Variants in POLR3G observed in about 807,000 individuals in gnomAD.
POLR3G encodes DNA-directed RNA polymerase III subunit RPC7.
In POLR3G, 28 loss-of-function variants were observed where a neutral mutation model predicts 30.1. That is an observed-to-expected ratio of 0.93 (90% CI 0.69 to 1.27). POLR3G has a LOEUF of 1.27. Ranked by LOEUF, POLR3G falls within the 50% of genes most tolerant of loss-of-function variation. The probability of loss-of-function intolerance (pLI) is 0.00; values close to 1 mark genes in which losing one functional copy is unlikely to be tolerated. For synonymous variants in POLR3G, 79 were observed against 82.5 expected, an observed-to-expected ratio of 0.96 and a Z score of 0.23; for missense variants, 254 against 264.6, an observed-to-expected ratio of 0.96 and a Z score of 0.28.
intron 1 of POLR3G, among the ~76,000 whole-genome samples, chr5:90,475,299 C>A (rs1012955869): frequency 6.6e-6 from 1 of 152,088 alleles, no homozygotes; most frequent in Non-Finnish European, 1.5e-5. Flanking sequence ...AGGTTATTTT[C>A]AAAATCCATG....
intron 3 of POLR3G, among the ~76,000 whole-genome samples, chr5:90,494,047 A>G (rs1751868357): frequency 6.6e-6 from 1 of 152,046 alleles, no homozygotes; most frequent in Non-Finnish European, 1.5e-5. Flanking sequence ...ATCATCTAGA[A>G]AAGAAATTCT....
chr5:90,491,054 G>C (rs1262835793), intron 3 of POLR3G, among the ~76,000 whole-genome samples: 1 of 152,086 alleles, frequency 6.6e-6, no homozygotes, highest in African/African-American at 2.4e-5. Flanking sequence ...AATAGGGTGA[G>C]AGATCTCAAG....
intron 1 of POLR3G, among the ~76,000 whole-genome samples, chr5:90,481,124 A>T (rs1387986715): frequency 6.6e-6 from 1 of 152,188 alleles, no homozygotes; most frequent in Non-Finnish European, 1.5e-5. Context: ...ACCATTTTGC[A>T]ATTCATAATG....
intron 5 of POLR3G, among the ~76,000 whole-genome samples, chr5:90,500,212 T>C (rs1465965545): frequency 6.6e-6 from 1 of 152,140 alleles, no homozygotes; most frequent in Non-Finnish European, 1.5e-5. Context: ...GTACTGTCCT[T>C]TATGTTAAGA....
At chr5:90,485,376 C>T in intron 1 of POLR3G, 149 bp from the exon 2 acceptor site, 1 of 512,300 alleles carries the variant, frequency 2.0e-6, no homozygotes, top group Non-Finnish European at 3.5e-6. Context: ...GTTCAACAGT[C>T]AGTTGTCACA....
chr5:90,493,121 GCA>G (rs1476163756), intron 3 of POLR3G, among the ~76,000 whole-genome samples: 1 of 152,220 alleles, frequency 6.6e-6, no homozygotes, highest in African/African-American at 2.4e-5. Context: ...GGCAGCCGAT[GCA>G]CAGAAAACTG....
At chr5:90,494,081 A>G (rs1751870391) in intron 3 of POLR3G, among the ~76,000 whole-genome samples, 1 of 150,490 alleles carries the variant, frequency 6.6e-6, no homozygotes, top group South Asian at 2.1e-4. Context: ...GTCATTCCCT[A>G]CTCTCCCTCC....
At chr5:90,484,176 C>G (rs1365621459) in intron 1 of POLR3G, among the ~76,000 whole-genome samples, 10 of 152,204 alleles carry the variant, frequency 6.6e-5, no homozygotes, top group Admixed American at 3.3e-4. Flanking sequence ...ATAGAATTAT[C>G]TGGAAGGCTT....
At chr5:90,474,669 G>A, upstream of POLR3G, 1 of 282,088 alleles carries the variant, frequency 3.5e-6, no homozygotes, top group South Asian at 3.4e-5. Context: ...TGACAGCAGA[G>A]GCCCGCAGTG....
At chr5:90,493,324 G>A (rs1453318553) in intron 3 of POLR3G, among the ~76,000 whole-genome samples, 6 of 152,008 alleles carry the variant, frequency 3.9e-5, no homozygotes, top group Non-Finnish European at 1.5e-5. Context: ...TCAGCTCACT[G>A]CAGCCTCCAC....
At chr5:90,479,445 C>G (rs1006945852) in intron 1 of POLR3G, among the ~76,000 whole-genome samples, 1 of 152,168 alleles carries the variant, frequency 6.6e-6, no homozygotes, top group African/African-American at 2.4e-5. Flanking sequence ...TGCACTCCAG[C>G]CTGGGCGACA....
At chr5:90,508,185 T>G (rs1024564758) in intron 7 of POLR3G, among the ~76,000 whole-genome samples, 2 of 152,236 alleles carry the variant, frequency 1.3e-5, no homozygotes, top group African/African-American at 4.8e-5. Context: ...AACTTCTTTC[T>G]TCTTATTTCC....
chr5:90,499,968 A>G (rs950994235), intron 5 of POLR3G, among the ~76,000 whole-genome samples: 2 of 152,164 alleles, frequency 1.3e-5, no homozygotes, highest in Admixed American at 6.6e-5. Context: ...GTCCTAGAGG[A>G]TCACACATCT....
At chr5:90,511,441 T>C in intron 7 of POLR3G, among the ~76,000 whole-genome samples, 1 of 152,304 alleles carries the variant, frequency 6.6e-6, no homozygotes, top group East Asian at 1.9e-4. Context: ...TGTAAGATAC[T>C]GGAGGCCCGG....
chr5:90,505,967 G>T (rs758683629), intron 6 of POLR3G, among the ~76,000 whole-genome samples: 15 of 152,104 alleles, frequency 9.9e-5, no homozygotes, highest in Non-Finnish European at 2.1e-4. Flanking sequence ...AGGTACTGTG[G>T]CTCATGCCTG....
At chr5:90,510,785 T>C (rs1316944452) in intron 7 of POLR3G, among the ~76,000 whole-genome samples, 3 of 151,652 alleles carry the variant, frequency 2.0e-5, no homozygotes, top group Non-Finnish European at 2.9e-5. Flanking sequence ...GAGATAACTA[T>C]CTAAAGAATG....
chr5:90,497,916 G>C (rs1278837171), intron 5 of POLR3G, among the ~76,000 whole-genome samples: 2 of 151,986 alleles, frequency 1.3e-5, no homozygotes, highest in African/African-American at 4.8e-5. Context: ...GACCAGCCTG[G>C]GCAACATAGT....
intron 4 of POLR3G, among the ~76,000 whole-genome samples, chr5:90,496,718 T>G (rs1407100115): frequency 6.6e-6 from 1 of 152,242 alleles, no homozygotes; most frequent in Non-Finnish European, 1.5e-5. Context: ...CTGTCCTTGG[T>G]CTTTTATGGA....
chr5:90,511,030 A>G lies in POLR3G; in HGVS notation c.586-1023A>G, dbSNP rs373006502. On this transcript the variant is annotated intron_variant, in intron 7 of 7. Transcript: ENST00000651687. ...CAAAAATGTAGTGACTAGTAAAAGA[A>G]ACACCCATGGTCTTATCACTCAGCT... 2.8e-4 allele frequency among the ~76,000 whole-genome samples: 42 copies of G among 152,238 alleles called. 1 individual carries two copies. In the East Asian group the frequency reaches 6.4e-3, roughly 23 times the overall value.
Sources: gnomAD v4.1 joint callset for allele counts (sites outside exome capture counted in the v4.1 genomes callset) on GRCh38, gnomAD v4.1.1 for gene constraint, MANE v1.5 for transcripts, NCBI Gene and HGNC (gene_info 2026-07-23, HGNC 2026-07-21) for gene names.